FAM13A: variants seen among roughly 807,000 people sequenced by gnomAD.
FAM13A encodes family with sequence similarity 13 member A.
FAM13A carries 76 observed loss-of-function variants against 129.6 expected under a neutral mutation model. That is an observed-to-expected ratio of 0.59 (90% CI 0.49 to 0.71). The LOEUF (loss-of-function observed/expected upper bound fraction) is 0.71, where lower values mean the gene tolerates loss of function less well. FAM13A is among the 30% of genes least tolerant of loss of function. The pLI is 0.00. For synonymous variants in FAM13A, 443 were observed against 449.9 expected, an observed-to-expected ratio of 0.98 and a Z score of 0.20; for missense variants, 1,108 against 1,249.3, an observed-to-expected ratio of 0.89 and a Z score of 1.70.
At chr4:89,006,111 C>T (rs1263079533) in intron 3 of FAM13A, among the ~76,000 whole-genome samples, 2 of 152,206 alleles carry the variant, frequency 1.3e-5, no homozygotes, top group South Asian at 4.1e-4. Context: ...GGTCCAGCTT[C>T]AGTCTTCTGA....
At chr4:88,987,473 C>T (rs7697900) in intron 4 of FAM13A, among the ~76,000 whole-genome samples, 108,415 of 151,968 alleles carry the variant, frequency 0.71, 39,005 homozygotes, top group African/African-American at 0.82. Flanking sequence ...TAAGCATCAA[C>T]AAGTGTGAGA....
chr4:88,778,802 A>C (rs944055144), intron 11 of FAM13A, among the ~76,000 whole-genome samples: 3 of 152,126 alleles, frequency 2.0e-5, no homozygotes, highest in African/African-American at 7.2e-5. Flanking sequence ...CCTGCTTTCC[A>C]TTCCCTCTTT....
Position 88,727,388 on chromosome 4 carries a change from G to GTCTT in FAM13A, c.*1141_*1144dup, listed in dbSNP as rs1278288403. On this transcript the variant is annotated 3_prime_UTR_variant, in exon 24 of 24. Transcript: ENST00000264344. ...CTAATATAGACAGTTTTGTGACAAA[G>GTCTT]TCTTTGAAAAAAATTATAATTGGCC... is the stretch of plus-strand genomic sequence containing the variant. The GTCTT allele has an allele frequency of 6.6e-6, 1 of 152,486 alleles. No individual in the cohort carries two copies. The highest frequency in any genetic ancestry group is 1.9e-4 in the East Asian group (1 of 5,194). 9.4% of individuals were successfully genotyped at this position (152,486 alleles called of 1,614,324 possible).
chr4:88,768,654 A>G (rs1746177101), intron 11 of FAM13A, among the ~76,000 whole-genome samples: 1 of 152,152 alleles, frequency 6.6e-6, no homozygotes, highest in African/African-American at 2.4e-5. Flanking sequence ...TGTAGCTTAT[A>G]CCTAAGCTGT....
chr4:88,736,553 A>G (rs544883329), intron 21 of FAM13A: 1 of 152,352 alleles, frequency 6.6e-6, no homozygotes, highest in East Asian at 1.9e-4. Context: ...TTGGAGTTAA[A>G]TGACTGTTAG....
intron 7 of FAM13A, among the ~76,000 whole-genome samples, chr4:88,850,524 T>C (rs919506562): frequency 6.6e-5 from 10 of 151,992 alleles, no homozygotes; most frequent in African/African-American, 2.4e-4. Context: ...GCCATTGCAC[T>C]CCAGCCTGGG....
intron 4 of FAM13A, among the ~76,000 whole-genome samples, chr4:88,941,441 G>A (rs1754747614): frequency 6.6e-6 from 1 of 152,088 alleles, no homozygotes; most frequent in South Asian, 2.1e-4. Context: ...GCCTTTTTCT[G>A]TCTATAAAAC....
chr4:89,042,365 T>A (rs975480245), intron 1 of FAM13A, among the ~76,000 whole-genome samples: 1 of 152,164 alleles, frequency 6.6e-6, no homozygotes, highest in African/African-American at 2.4e-5. Context: ...AATCCCCAAA[T>A]AGTGCTCTGT....
intron 5 of FAM13A, among the ~76,000 whole-genome samples, chr4:88,922,826 G>A (rs964205448): frequency 3.3e-5 from 5 of 152,090 alleles, no homozygotes; most frequent in African/African-American, 1.2e-4. Context: ...GAAAAAAAGA[G>A]AGAAGAATCA....
intron 6 of FAM13A, among the ~76,000 whole-genome samples, chr4:88,876,113 G>A (rs1269486208): frequency 6.6e-6 from 1 of 152,166 alleles, no homozygotes; most frequent in African/African-American, 2.4e-5. Context: ...GACACAGGGT[G>A]GGGAACATCC....
intron 5 of FAM13A, among the ~76,000 whole-genome samples, chr4:88,931,726 A>C (rs1250420674): frequency 1.3e-5 from 2 of 152,184 alleles, no homozygotes; most frequent in Non-Finnish European, 2.9e-5. Flanking sequence ...CAAATTCAGA[A>C]TCTACCTAAA....
At chr4:88,828,128 G>T (rs1733323020) in intron 7 of FAM13A, among the ~76,000 whole-genome samples, 1 of 152,090 alleles carries the variant, frequency 6.6e-6, no homozygotes, top group Non-Finnish European at 1.5e-5. Flanking sequence ...CTAATTGAAA[G>T]AAATGTTTTT....
intron 6 of FAM13A, among the ~76,000 whole-genome samples, chr4:88,854,926 T>C (rs904641018): frequency 6.6e-6 from 1 of 152,234 alleles, no homozygotes; most frequent in Non-Finnish European, 1.5e-5. Context: ...ACTTATTCTG[T>C]GCCAGGCATG....
chr4:89,047,445 G>C (rs768342463), intron 1 of FAM13A, among the ~76,000 whole-genome samples: 38 of 152,118 alleles, frequency 2.5e-4, no homozygotes, highest in Non-Finnish European at 5.0e-4. Context: ...TGAATTCCAT[G>C]ATGGTAGAGT....
chr4:88,895,858 G>A (rs1746206037), intron 6 of FAM13A, among the ~76,000 whole-genome samples: 1 of 139,374 alleles, frequency 7.2e-6, no homozygotes, highest in Non-Finnish European at 1.5e-5. Context: ...GGAAGTCAGT[G>A]TGGCGATTCC....
intron 3 of FAM13A, among the ~76,000 whole-genome samples, chr4:89,014,069 C>A (rs1467665361): frequency 6.6e-6 from 1 of 152,066 alleles, no homozygotes; most frequent in Non-Finnish European, 1.5e-5. Context: ...TAGGTTCCAG[C>A]CACTCACGAC....
rs184423981 is a variant in FAM13A, at chr4:88,913,415, A to T, written c.760-6953T>A. On this transcript the variant is annotated intron_variant, in intron 5 of 23. Transcript: ENST00000264344. ...GAAGACAAAGAAGAAGAAGTAGTAGAAGTAGTAGTAGAGGGAAGAGGGAAG... is the reference window on the plus strand; with the variant it reads ...GAAGACAAAGAAGAAGAAGTAGTAGTAGTAGTAGTAGAGGGAAGAGGGAAG... 2.0e-3 allele frequency among the ~76,000 whole-genome samples: 273 copies of T among 139,146 alleles called. 1 individual carries two copies. The highest frequency in any genetic ancestry group is 4.1e-3 in the Admixed American group (56 of 13,806). The allele number at this position is 139,146 out of a possible 152,430, so 91.3% of individuals were successfully genotyped here. A position where few individuals can be genotyped will look rare whatever the true frequency, so the allele number is the denominator to read the frequency against.
intron 7 of FAM13A, among the ~76,000 whole-genome samples, chr4:88,847,577 G>C (rs561276195): frequency 6.6e-6 from 1 of 152,224 alleles, no homozygotes; most frequent in African/African-American, 2.4e-5. Flanking sequence ...TCTCCAAAAG[G>C]AGAGTCTTGT....
At chr4:88,877,409 A>T (rs1742721572) in intron 6 of FAM13A, among the ~76,000 whole-genome samples, 1 of 152,248 alleles carries the variant, frequency 6.6e-6, no homozygotes, top group South Asian at 2.1e-4. Context: ...AAAACATCTG[A>T]AATACAGCAG....
Sources: gnomAD v4.1 joint callset for allele counts (sites outside exome capture counted in the v4.1 genomes callset) on GRCh38, gnomAD v4.1.1 for gene constraint, MANE v1.5 for transcripts, NCBI Gene and HGNC (gene_info 2026-07-23, HGNC 2026-07-21) for gene names.